Variants in MAPK4 observed in about 807,000 individuals in gnomAD.
MAPK4 encodes the protein Erk3-related.
MAPK4 carries 22 observed loss-of-function variants against 47.7 expected under a neutral mutation model. That is an observed-to-expected ratio of 0.46 (90% CI 0.33 to 0.66). The LOEUF (loss-of-function observed/expected upper bound fraction) is 0.66, where lower values mean the gene tolerates loss of function less well. Among genes scored for constraint, MAPK4 ranks in the 30% least tolerant of loss-of-function variants. The probability of loss-of-function intolerance (pLI) is 0.02; values close to 1 mark genes in which losing one functional copy is unlikely to be tolerated. For missense variants in MAPK4, 736 were observed against 831.7 expected (o/e 0.88, Z 1.42); for synonymous variants, 390 against 365.7 (o/e 1.07, Z -0.76).
chr18:50,675,250 G>C (rs1908192126), intron 2 of MAPK4, among the ~76,000 whole-genome samples: 1 of 152,108 alleles, frequency 6.6e-6, no homozygotes, highest in African/African-American at 2.4e-5. Context: ...GGCCATTCAG[G>C]TGACTGCATT....
At chr18:50,562,735 A>G (rs2042165118) in intron 1 of MAPK4, among the ~76,000 whole-genome samples, 1 of 152,252 alleles carries the variant, frequency 6.6e-6, no homozygotes. Flanking sequence ...TTACAATGCA[A>G]TATAGGCATT....
At chr18:50,665,380 A>G (rs1300134959) in intron 2 of MAPK4, among the ~76,000 whole-genome samples, 1 of 152,230 alleles carries the variant, frequency 6.6e-6, no homozygotes, top group African/African-American at 2.4e-5. Flanking sequence ...GTACCCTGCA[A>G]CAGAGCTGGG....
At chr18:50,680,180 C>T (rs1908510889) in intron 2 of MAPK4, among the ~76,000 whole-genome samples, 1 of 149,148 alleles carries the variant, frequency 6.7e-6, no homozygotes. Flanking sequence ...CAACCTCCAC[C>T]TCCTGGGTTC....
chr18:50,625,374 C>T (rs544039213), intron 1 of MAPK4, among the ~76,000 whole-genome samples: 1 of 152,278 alleles, frequency 6.6e-6, no homozygotes, highest in East Asian at 1.9e-4. Context: ...CTCACTTTAT[C>T]CTTGCACTTT....
chr18:50,610,318 G>A (rs549695943), intron 1 of MAPK4, among the ~76,000 whole-genome samples: 15 of 152,304 alleles, frequency 9.8e-5, no homozygotes, highest in South Asian at 4.2e-4. Context: ...GGCTGGTGTC[G>A]GTATCTTAGG....
At chr18:50,572,633 TA>T (rs956807319) in intron 1 of MAPK4, among the ~76,000 whole-genome samples, 1 of 151,190 alleles carries the variant, frequency 6.6e-6, no homozygotes, top group Admixed American at 6.6e-5. Flanking sequence ...CTAGAGGCAG[TA>T]AAAAAAAGTC....
chr18:50,626,304 C>A lies in MAPK4; in HGVS notation c.-870-36785C>A, dbSNP rs551103222. ...AAATTAACCTTCACACCTGGCAAAT[C>A]CATCTCTGAACGTGAGGTCTGTGGA... On this transcript the variant is annotated intron_variant, in intron 1 of 5. Transcript: ENST00000400384. Among the ~76,000 whole-genome samples, 13 of 152,302 alleles carry A rather than the reference C, an allele frequency of 8.5e-5. No individual in the cohort carries two copies. In the South Asian group the frequency reaches 2.3e-3, roughly 27 times the overall value.
Position 50,654,452 on chromosome 18 carries a change from C to A in MAPK4, c.-870-8637C>A, listed in dbSNP as rs149071966. Among the ~76,000 whole-genome samples the A allele has an allele frequency of 3.2e-4, 49 of 152,362 alleles. 1 individual carries two copies. The East Asian group carries it at 9.1e-3, about 28-fold the overall frequency. On this transcript the variant is annotated intron_variant, in intron 1 of 5. Coordinates refer to ENST00000400384, the MANE Select transcript of MAPK4 (RefSeq NM_002747.4). ...GGGATCACTTCCCTTCAGAACACAGCCCAAACAAAGCAAGCCCCAAATAGG... is the reference window on the plus strand; with the variant it reads ...GGGATCACTTCCCTTCAGAACACAGACCAAACAAAGCAAGCCCCAAATAGG...
intron 1 of MAPK4, among the ~76,000 whole-genome samples, chr18:50,640,719 G>A (rs1225692393): frequency 1.3e-5 from 2 of 152,154 alleles, no homozygotes; most frequent in East Asian, 3.8e-4. Flanking sequence ...ACCCGCCTTG[G>A]CCTACCAAAG....
At chr18:50,704,787 G>T in intron 2 of MAPK4, 1 of 398,594 alleles carries the variant, frequency 2.5e-6, no homozygotes, top group South Asian at 1.3e-4. Flanking sequence ...CTCTTCTGTG[G>T]AGCAGGGACA....
chr18:50,629,444 T>A (rs2042809726), intron 1 of MAPK4: 1 of 152,256 alleles, frequency 6.6e-6, no homozygotes, highest in African/African-American at 2.4e-5. Flanking sequence ...GACTTGTCTC[T>A]GGTCCTCAAG....
intron 3 of MAPK4, among the ~76,000 whole-genome samples, chr18:50,716,369 C>A (rs143375241): frequency 3.3e-5 from 5 of 152,322 alleles, no homozygotes; most frequent in Admixed American, 1.3e-4. Context: ...GCAATCCCCC[C>A]TCAGTTGCTT....
intron 1 of MAPK4, among the ~76,000 whole-genome samples, chr18:50,627,821 A>G (rs1254226282): frequency 6.6e-6 from 1 of 152,128 alleles, no homozygotes; most frequent in East Asian, 1.9e-4. Flanking sequence ...ACCTGGCTGC[A>G]TAGGAGCCTC....
At chr18:50,675,122 A>G (rs1598897350) in intron 2 of MAPK4, among the ~76,000 whole-genome samples, 1 of 152,204 alleles carries the variant, frequency 6.6e-6, no homozygotes, top group South Asian at 2.1e-4. Context: ...TGAAGACACT[A>G]AGGCACAGAG....
At chr18:50,612,543 G>A (rs1406249143) in intron 1 of MAPK4, among the ~76,000 whole-genome samples, 2 of 152,296 alleles carry the variant, frequency 1.3e-5, no homozygotes, top group African/African-American at 4.8e-5. Context: ...CATACTGAGA[G>A]GAGGAATCTG....
chr18:50,571,986 ATAAGGAAGATGATTACTGT>A (rs1304831597), intron 1 of MAPK4, among the ~76,000 whole-genome samples: 1 of 152,246 alleles, frequency 6.6e-6, no homozygotes, highest in Admixed American at 6.5e-5. Context: ...TAAGAGGAGA[ATAAGGAAGATGATTACTGT>A]AAATCACATA....
At chr18:50,646,597 G>A (rs1384124552) in intron 1 of MAPK4, among the ~76,000 whole-genome samples, 1 of 152,204 alleles carries the variant, frequency 6.6e-6, no homozygotes, top group Non-Finnish European at 1.5e-5. Context: ...AATGATCTCT[G>A]TCCCCAGGGC....
intron 1 of MAPK4, among the ~76,000 whole-genome samples, chr18:50,606,609 T>C (rs1160662492): frequency 3.9e-5 from 6 of 152,204 alleles, no homozygotes; most frequent in African/African-American, 1.2e-4. Flanking sequence ...TAGGTGTGAC[T>C]GTGTGACCTA....
chr18:50,580,933 C>T (rs1020908672), intron 1 of MAPK4, among the ~76,000 whole-genome samples: 11 of 152,114 alleles, frequency 7.2e-5, no homozygotes, highest in Non-Finnish European at 2.9e-5. Context: ...CCTTGGAAAC[C>T]CAAACACATC....
Sources: gnomAD v4.1 joint callset for allele counts (sites outside exome capture counted in the v4.1 genomes callset) on GRCh38, gnomAD v4.1.1 for gene constraint, MANE v1.5 for transcripts, NCBI Gene and HGNC (gene_info 2026-07-23, HGNC 2026-07-21) for gene names.